FAM13A: variants seen among roughly 807,000 people sequenced by gnomAD.
FAM13A encodes the protein family with sequence similarity 13 member A.
Under a neutral mutation model 129.6 loss-of-function variants are expected in FAM13A, and 76 were observed. The observed-to-expected ratio is 0.59, with a 90% CI of 0.49 to 0.71. The LOEUF is 0.71. Ranked by LOEUF, FAM13A falls within the 30% of genes least tolerant of loss-of-function variation. The pLI, the probability that FAM13A is intolerant of heterozygous loss-of-function variation, is 0.00. For synonymous variants in FAM13A, 443 were observed against 449.9 expected (o/e 0.98, Z 0.20); for missense variants, 1,108 against 1,249.3 (o/e 0.89, Z 1.70).
chr4:88,739,251 C>T (rs918551257), intron 19 of FAM13A, 126 bp from the exon 20 acceptor site: 300 of 660,264 alleles, frequency 4.5e-4, no homozygotes, highest in Admixed American at 1.7e-3. Context: ...TCTTACTACC[C>T]TCACAGAATT....
intron 5 of FAM13A, among the ~76,000 whole-genome samples, chr4:88,911,339 T>C (rs888150801): frequency 5.3e-5 from 8 of 152,200 alleles, no homozygotes; most frequent in African/African-American, 1.9e-4. Flanking sequence ...AATTGGTTGA[T>C]TGGTTTCACA....
At chr4:88,738,892 G>T in intron 20 of FAM13A, 138 bp downstream of exon 20, 1 of 625,648 alleles carries the variant, frequency 1.6e-6, no homozygotes, top group East Asian at 2.8e-5. Context: ...CAAGCTTGTG[G>T]GCCATGGATA....
chr4:88,867,406 C>A (rs1740635212), intron 6 of FAM13A, among the ~76,000 whole-genome samples: 1 of 152,158 alleles, frequency 6.6e-6, no homozygotes, highest in African/African-American at 2.4e-5. Context: ...TGTAAAAAAA[C>A]ATGACTAAAT....
chr4:88,927,953 G>C (rs1752462430), intron 5 of FAM13A, among the ~76,000 whole-genome samples: 1 of 151,924 alleles, frequency 6.6e-6, no homozygotes, highest in South Asian at 2.1e-4. Context: ...AAGTTAGGTT[G>C]TTAATTTTTT....
intron 1 of FAM13A, among the ~76,000 whole-genome samples, chr4:89,046,379 G>C (rs551494793): frequency 6.6e-6 from 1 of 152,310 alleles, no homozygotes; most frequent in South Asian, 2.1e-4. Flanking sequence ...GTAGGAGAAA[G>C]TAAATGGCAG....
chr4:88,870,046 C>T (rs1473997714), intron 6 of FAM13A, among the ~76,000 whole-genome samples: 1 of 151,996 alleles, frequency 6.6e-6, no homozygotes, highest in Non-Finnish European at 1.5e-5. Context: ...CTTGTTACTA[C>T]TCTGAGCCTT....
chr4:88,845,783 A>C (rs951519098), intron 7 of FAM13A, among the ~76,000 whole-genome samples: 27 of 152,210 alleles, frequency 1.8e-4, no homozygotes, highest in African/African-American at 6.0e-4. Flanking sequence ...TTTTAAGAAG[A>C]ATGTATTTTC....
intron 12 of FAM13A, 25 bp downstream of exon 12, chr4:88,767,958 T>G: frequency 7.1e-7 from 1 of 1,408,352 alleles, no homozygotes; most frequent in Non-Finnish European, 1.0e-6. Flanking sequence ...TTGGAAAGAA[T>G]ATTAGGAGAC....
rs184615961 is a variant in FAM13A at position 88,930,188 on chromosome 4, G to A, written c.759+7900C>T. ...TGAATTCCTCATCTGGCATTTTGAG[G>A]AATTTTGTTTTGATGGGGATTTGTT... On this transcript the variant is annotated intron_variant, in intron 5 of 23. Coordinates refer to ENST00000264344, the MANE Select transcript of FAM13A (RefSeq NM_014883.4). 8.1e-4 allele frequency among the ~76,000 whole-genome samples: 123 copies of A among 152,204 alleles called. 1 individual carries two copies. Among genetic ancestry groups the A allele is most frequent in the East Asian group, 5.8e-4 (3 of 5,180 alleles).
At chr4:88,758,956 C>T (rs182396788) in intron 13 of FAM13A, 55 bp from the exon 14 acceptor site, 22 of 1,561,838 alleles carry the variant, frequency 1.4e-5, no homozygotes, top group South Asian at 1.4e-4. Context: ...AACCCCAAGA[C>T]GTCTGCAGCA....
At chr4:88,859,738 G>A (rs535323647) in intron 6 of FAM13A, among the ~76,000 whole-genome samples, 120 of 152,286 alleles carry the variant, frequency 7.9e-4, no homozygotes, top group Non-Finnish European at 1.4e-3. Flanking sequence ...CTGCATTCAG[G>A]TACTAAGATA....
intron 6 of FAM13A, among the ~76,000 whole-genome samples, chr4:88,885,215 G>A (rs1183856693): frequency 2.6e-5 from 4 of 151,892 alleles, no homozygotes; most frequent in Non-Finnish European, 4.4e-5. Flanking sequence ...CCAAAACTAA[G>A]CAAAAAGAAC....
chr4:88,854,497 G>A (rs1485666137), intron 6 of FAM13A, among the ~76,000 whole-genome samples: 1 of 152,180 alleles, frequency 6.6e-6, no homozygotes. Context: ...AGTTATAACT[G>A]ACATCCACTA....
intron 5 of FAM13A, among the ~76,000 whole-genome samples, chr4:88,919,168 C>T (rs1344248765): frequency 6.6e-6 from 1 of 152,182 alleles, no homozygotes; most frequent in Non-Finnish European, 1.5e-5. Flanking sequence ...CTGGCATAAA[C>T]AGGTTTGGAA....
At chr4:88,934,733 G>A (rs1561377043) in intron 5 of FAM13A, among the ~76,000 whole-genome samples, 1 of 152,138 alleles carries the variant, frequency 6.6e-6, no homozygotes, top group African/African-American at 2.4e-5. Flanking sequence ...CAAAACTAAT[G>A]AAAGAGAGAA....
chr4:88,744,613 G>T (rs1347536429), intron 19 of FAM13A, among the ~76,000 whole-genome samples: 1 of 152,168 alleles, frequency 6.6e-6, no homozygotes, highest in Non-Finnish European at 1.5e-5. Context: ...TTGGGGTTTG[G>T]AACAATAGTT....
intron 6 of FAM13A, among the ~76,000 whole-genome samples, chr4:88,884,159 T>C (rs1485930317): frequency 2.0e-5 from 3 of 152,066 alleles, no homozygotes; most frequent in Non-Finnish European, 4.4e-5. Context: ...TATCATTTTA[T>C]GAAGCCAGTA....
At chr4:88,802,447 T>C (rs1727669918) in intron 8 of FAM13A, among the ~76,000 whole-genome samples, 1 of 151,646 alleles carries the variant, frequency 6.6e-6, no homozygotes, top group Non-Finnish European at 1.5e-5. Flanking sequence ...AAATTAGAGA[T>C]GACAGAGTTA....
chr4:88,731,598 C>G (rs1261682120), intron 22 of FAM13A, 170 bp from the exon 23 acceptor site: 1 of 544,540 alleles, frequency 1.8e-6, no homozygotes, highest in Non-Finnish European at 3.2e-6. Flanking sequence ...TCCTGAAAGC[C>G]AAACATGCTG....
Sources: allele counts gnomAD v4.1 joint callset (sites outside exome capture counted in the v4.1 genomes callset), GRCh38; gene constraint gnomAD v4.1.1; transcripts MANE v1.5; gene names NCBI Gene and HGNC (gene_info 2026-07-23, HGNC 2026-07-21).